PLXDC2: variants seen among roughly 807,000 people sequenced by gnomAD.
PLXDC2 encodes the protein plexin domain containing 2, also known as plexin domain-containing protein 2.
Under a neutral mutation model 68.9 loss-of-function variants are expected in PLXDC2, and 40 were observed. That is an observed-to-expected ratio of 0.58 (90% CI 0.45 to 0.76). The LOEUF (loss-of-function observed/expected upper bound fraction) is 0.76, where lower values mean the gene tolerates loss of function less well. PLXDC2 is among the 30% of genes least tolerant of loss of function. The pLI, the probability that PLXDC2 is intolerant of heterozygous loss-of-function variation, is 0.00. For missense variants in PLXDC2, 644 were observed against 661.9 expected (o/e 0.97, Z 0.30); for synonymous variants, 243 against 234.2 (o/e 1.04, Z -0.34).
At chr10:19,867,259 T>C (rs965728610) in intron 1 of PLXDC2, among the ~76,000 whole-genome samples, 10 of 151,900 alleles carry the variant, frequency 6.6e-5, no homozygotes, top group Non-Finnish European at 1.3e-4. Context: ...GAGATGGGGT[T>C]TTACTCTGTT....
intron 3 of PLXDC2, among the ~76,000 whole-genome samples, chr10:20,049,609 A>T (rs368762795): frequency 1.3e-5 from 2 of 152,100 alleles, no homozygotes; most frequent in Admixed American, 1.3e-4. Context: ...CTCATTCACA[A>T]TTGCCACAAA....
intron 6 of PLXDC2, 74 bp downstream of exon 6, chr10:20,147,976 A>T: frequency 9.4e-7 from 1 of 1,068,296 alleles, no homozygotes; most frequent in Non-Finnish European, 1.4e-6. Flanking sequence ...ATGTCAAGAA[A>T]GGGACATTTT....
chr10:20,162,045 AG>A lies in PLXDC2; in HGVS notation c.784-2422del, dbSNP rs1305020514. Among the ~76,000 whole-genome samples the A allele has an allele frequency of 4.5e-3, 167 of 37,244 alleles. 2 individuals carry two copies. Among genetic ancestry groups the A allele is most frequent in the African/African-American group, 0.019 (158 of 8,472 alleles). 24.4% of individuals were successfully genotyped at this position (37,244 alleles called of 152,430 possible). On this transcript the variant is annotated intron_variant, in intron 6 of 13. Transcript: ENST00000377252. ...CAGAAAAAGAAAGAAAGAAAGAAAGAGAGAGAGAGAGAGAGAGAGAGAGAGA... is the reference window on the plus strand; with the variant it reads ...CAGAAAAAGAAAGAAAGAAAGAAAGAAGAGAGAGAGAGAGAGAGAGAGAGA...
At chr10:20,065,584 A>G (rs1320637434) in intron 3 of PLXDC2, among the ~76,000 whole-genome samples, 3 of 152,318 alleles carry the variant, frequency 2.0e-5, no homozygotes, top group East Asian at 3.9e-4. Context: ...ATATATAGTG[A>G]AATGATTATA....
At chr10:20,140,405 A>AATATC (rs201306989) in intron 4 of PLXDC2, among the ~76,000 whole-genome samples, 122 of 12,536 alleles carry the variant, frequency 9.7e-3, no homozygotes, top group African/African-American at 0.017. Flanking sequence ...TATATATAAA[A>AATATC]TATCTATCTA....
chr10:19,891,384 C>T (rs75608038), intron 1 of PLXDC2, among the ~76,000 whole-genome samples: 10,102 of 148,392 alleles, frequency 0.068, 431 homozygotes, highest in South Asian at 0.15. Flanking sequence ...CCTGCACTTT[C>T]CTTTGCCTCT....
At chr10:19,836,186 CA>C (rs1367631979) in intron 1 of PLXDC2, among the ~76,000 whole-genome samples, 4 of 150,906 alleles carry the variant, frequency 2.7e-5, no homozygotes, top group Non-Finnish European at 5.9e-5. Context: ...GAAAAGAAAA[CA>C]AAAAAAAGAG....
chr10:20,072,493 G>GAGAAAGAAAGAAAAAGAA (rs1836343792), intron 4 of PLXDC2, among the ~76,000 whole-genome samples: 2 of 80,704 alleles, frequency 2.5e-5, no homozygotes, highest in Non-Finnish European at 4.9e-5. Flanking sequence ...AAGAAAGAAA[G>GAGAAAGAAAGAAAAAGAA]AGAAAGAAAG....
intron 13 of PLXDC2, 127 bp from the exon 14 acceptor site, chr10:20,279,576 A>G (rs921265790): frequency 3.0e-5 from 22 of 721,726 alleles, no homozygotes; most frequent in African/African-American, 5.3e-5. Flanking sequence ...GACTGTAGCT[A>G]TAATAAGAGA....
At chr10:19,885,714 T>A (rs187670163) in intron 1 of PLXDC2, among the ~76,000 whole-genome samples, 7,738 of 152,028 alleles carry the variant, frequency 0.051, 262 homozygotes, top group Non-Finnish European at 0.073. Context: ...TTGATCTATA[T>A]CTCTGTTTTG....
rs1379937829 is a variant in PLXDC2 at position 20,288,290 on chromosome 10, A to G, written c.*8471A>G. On this transcript the variant is annotated 3_prime_UTR_variant, in exon 14 of 14. Coordinates refer to ENST00000377252, the MANE Select transcript of PLXDC2 (RefSeq NM_032812.9). Reference sequence around the variant, plus strand: ...AAAGGTTAATTTTCCGAAGTTTATTAAAATAGAACTTGGAAAACCAAGCAT... The same window carrying G: ...AAAGGTTAATTTTCCGAAGTTTATTGAAATAGAACTTGGAAAACCAAGCAT... 1.3e-5 allele frequency: 2 copies of G among 152,166 alleles called. No homozygotes were observed. Among genetic ancestry groups the G allele is most frequent in the Non-Finnish European group, 1.5e-5 (1 of 68,034 alleles). The allele number at this position is 152,166 out of a possible 1,614,324, so 9.4% of individuals were successfully genotyped here.
At chr10:20,200,400 G>A (rs772592632) in intron 9 of PLXDC2, among the ~76,000 whole-genome samples, 2 of 151,960 alleles carry the variant, frequency 1.3e-5, no homozygotes, top group South Asian at 4.1e-4. Flanking sequence ...AAAAGGTGAG[G>A]TTGTGTATTT....
At chr10:20,018,441 T>G (rs1213461842) in intron 2 of PLXDC2, among the ~76,000 whole-genome samples, 2 of 152,180 alleles carry the variant, frequency 1.3e-5, no homozygotes, top group Non-Finnish European at 2.9e-5. Flanking sequence ...AACAAATCAT[T>G]AAAAATAAGA....
chr10:20,047,198 G>C (rs1190746950), intron 3 of PLXDC2, among the ~76,000 whole-genome samples, 183 bp downstream of exon 3: 1 of 152,000 alleles, frequency 6.6e-6, no homozygotes, highest in Non-Finnish European at 1.5e-5. Context: ...CTGCATATAA[G>C]ATATTAAAGA....
intron 2 of PLXDC2, among the ~76,000 whole-genome samples, chr10:20,010,807 A>T (rs1328218031): frequency 1.3e-5 from 2 of 152,218 alleles, no homozygotes; most frequent in Non-Finnish European, 2.9e-5. Flanking sequence ...CCTAAGATTA[A>T]TTATATGATC....
At chr10:20,076,189 A>G (rs1445300117) in intron 4 of PLXDC2, among the ~76,000 whole-genome samples, 2 of 152,222 alleles carry the variant, frequency 1.3e-5, no homozygotes, top group Non-Finnish European at 2.9e-5. Flanking sequence ...AGAAATAGTA[A>G]ATAGTGCAGG....
At chr10:20,049,651 A>G (rs115361356) in intron 3 of PLXDC2, among the ~76,000 whole-genome samples, 2,320 of 152,220 alleles carry the variant, frequency 0.015, 69 homozygotes, top group African/African-American at 0.054. Flanking sequence ...ACAGCTAACC[A>G]GGGAAGTGAA....
intron 1 of PLXDC2, among the ~76,000 whole-genome samples, chr10:19,833,185 T>A (rs1413629272): frequency 6.6e-6 from 1 of 152,222 alleles, no homozygotes; most frequent in African/African-American, 2.4e-5. Context: ...TGGTTATTGA[T>A]GAATCTATAT....
At chr10:19,939,226 C>T (rs559030901) in intron 1 of PLXDC2, among the ~76,000 whole-genome samples, 1 of 152,230 alleles carries the variant, frequency 6.6e-6, no homozygotes, top group East Asian at 1.9e-4. Flanking sequence ...TGTTGTGCTT[C>T]ATAAATTAAT....
Sources: gnomAD v4.1 joint callset for allele counts (sites outside exome capture counted in the v4.1 genomes callset) on GRCh38, gnomAD v4.1.1 for gene constraint, MANE v1.5 for transcripts, NCBI Gene and HGNC (gene_info 2026-07-23, HGNC 2026-07-21) for gene names.